The following PPP3CA variants were observed in gnomAD, a reference collection of about 807,000 sequenced individuals.
The protein encoded by PPP3CA is CAM-PRP catalytic subunit.
In PPP3CA, 14 loss-of-function variants were observed where a neutral mutation model predicts 66.5. The observed-to-expected ratio is 0.21, with a 90% CI of 0.14 to 0.33. PPP3CA has a LOEUF of 0.33. Ranked by LOEUF, PPP3CA falls within the 10% of genes least tolerant of loss-of-function variation. PPP3CA has a pLI of 1.00. For missense variants in PPP3CA, 317 were observed against 639.5 expected, an observed-to-expected ratio of 0.50 and a Z score of 5.44; for synonymous variants, 232 against 226.2, an observed-to-expected ratio of 1.03 and a Z score of -0.23.
At chr4:101,140,342 C>T (rs568812887) in intron 2 of PPP3CA, among the ~76,000 whole-genome samples, 57 of 152,232 alleles carry the variant, frequency 3.7e-4, no homozygotes, top group African/African-American at 1.3e-3. Flanking sequence ...ATAATATTAT[C>T]ATTTTCAAGA....
Position 101,346,997 on chromosome 4 carries a change from A to G in PPP3CA, c.-201T>C. On this transcript the variant is annotated 5_prime_UTR_variant, in exon 1 of 14. Transcript: ENST00000394854. ...TCCCTCCTCCGCCGCCGCCGCCTTCACTCCTCCTCCGCCGCTGCCGCCAGC... is the reference window on the plus strand; with the variant it reads ...TCCCTCCTCCGCCGCCGCCGCCTTCGCTCCTCCTCCGCCGCTGCCGCCAGC... The G allele has an allele frequency of 1.7e-6, 1 of 598,688 alleles. No homozygotes were observed. Among genetic ancestry groups the G allele is most frequent in the South Asian group, 2.0e-5 (1 of 50,242 alleles). The allele number at this position is 598,688 out of a possible 1,614,324, so 37.1% of individuals were successfully genotyped here.
intron 8 of PPP3CA, among the ~76,000 whole-genome samples, chr4:101,078,938 T>C (rs912945687): frequency 6.6e-6 from 1 of 152,216 alleles, no homozygotes; most frequent in Non-Finnish European, 1.5e-5. Flanking sequence ...ACTTCTTTTC[T>C]AGGAACTGCC....
chr4:101,158,728 A>G (rs1273674872), intron 2 of PPP3CA, among the ~76,000 whole-genome samples: 1 of 152,190 alleles, frequency 6.6e-6, no homozygotes, highest in Non-Finnish European at 1.5e-5. Context: ...CTGGTTATTC[A>G]ATACCCAAAT....
At chr4:101,124,723 A>AAAG (rs1722165157) in intron 2 of PPP3CA, among the ~76,000 whole-genome samples, 1 of 48,178 alleles carries the variant, frequency 2.1e-5, no homozygotes, top group Non-Finnish European at 4.4e-5. Flanking sequence ...GAAAGAAAGA[A>AAAG]AGAGAAAGAA....
intron 1 of PPP3CA, among the ~76,000 whole-genome samples, chr4:101,309,027 T>C (rs1200227915): frequency 6.6e-6 from 1 of 152,094 alleles, no homozygotes; most frequent in East Asian, 1.9e-4. Flanking sequence ...CTTGCGAGGC[T>C]GAGGCAGAAG....
chr4:101,061,774 C>T (rs1728472640), intron 9 of PPP3CA, among the ~76,000 whole-genome samples: 1 of 151,950 alleles, frequency 6.6e-6, no homozygotes, highest in Non-Finnish European at 1.5e-5. Context: ...TAATAGATTA[C>T]AATAGGATTA....
chr4:101,290,879 G>C (rs188013446), intron 1 of PPP3CA, among the ~76,000 whole-genome samples: 1 of 152,260 alleles, frequency 6.6e-6, no homozygotes, highest in Non-Finnish European at 1.5e-5. Context: ...ACAGTGATTG[G>C]TTTTGAGGCA....
At chr4:101,091,272 T>C (rs1022008511) in intron 6 of PPP3CA, among the ~76,000 whole-genome samples, 8 of 152,160 alleles carry the variant, frequency 5.3e-5, no homozygotes, top group Non-Finnish European at 5.9e-5. Context: ...AACACATAAC[T>C]TTGACGTACT....
chr4:101,302,920 T>C (rs1057060874), intron 1 of PPP3CA, among the ~76,000 whole-genome samples: 5 of 152,178 alleles, frequency 3.3e-5, no homozygotes, highest in Non-Finnish European at 7.4e-5. Context: ...AGGAATCAAG[T>C]TGAAAACTTT....
chr4:101,347,414 G>A lies in PPP3CA; in HGVS notation c.-618C>T, dbSNP rs1205651622. On this transcript the variant is annotated 5_prime_UTR_variant, in exon 1 of 14. Coordinates refer to ENST00000394854, the MANE Select transcript of PPP3CA (RefSeq NM_000944.5). ...CGCCGCCGCTGGTGCCGCGGCCGCC[G>A]GAGACGTCCCGCCGCCGCGATCGCC... The A allele has an allele frequency of 1.8e-5, 3 of 166,056 alleles. No homozygotes were observed. The highest frequency in any genetic ancestry group is 3.8e-5 in the Non-Finnish European group (3 of 78,188). The allele number at this position is 166,056 out of a possible 1,614,324, so 10.3% of individuals were successfully genotyped here. A position where few individuals can be genotyped will look rare whatever the true frequency, so the allele number is the denominator to read the frequency against.
chr4:101,247,143 C>T (rs79504742), intron 1 of PPP3CA, among the ~76,000 whole-genome samples: 1,765 of 151,776 alleles, frequency 0.012, 26 homozygotes, highest in African/African-American at 0.04. Context: ...TCCTTGTCAT[C>T]GTTTTTCTTT....
chr4:101,035,095 G>A (rs533633829), intron 11 of PPP3CA, among the ~76,000 whole-genome samples: 51 of 152,006 alleles, frequency 3.4e-4, no homozygotes, highest in Non-Finnish European at 5.3e-4. Context: ...GTGAAACCTC[G>A]TCTCTACTAA....
intron 2 of PPP3CA, among the ~76,000 whole-genome samples, chr4:101,188,466 CATT>C (rs1237002590): frequency 6.6e-6 from 1 of 151,848 alleles, no homozygotes; most frequent in Admixed American, 6.6e-5. Context: ...TTTTTTCTGT[CATT>C]GTATAATCAG....
chr4:101,328,951 G>C (rs1729288008), intron 1 of PPP3CA, among the ~76,000 whole-genome samples: 1 of 151,916 alleles, frequency 6.6e-6, no homozygotes, highest in Non-Finnish European at 1.5e-5. Flanking sequence ...CCTACTCCCT[G>C]AGACAAAATA....
chr4:101,187,899 C>T (rs1470616701), intron 2 of PPP3CA, among the ~76,000 whole-genome samples: 2 of 151,988 alleles, frequency 1.3e-5, no homozygotes, highest in Admixed American at 1.3e-4. Flanking sequence ...CATATTACTT[C>T]GAGAAAACGG....
In PPP3CA at chr4:101,025,907, G is replaced by A. The variant is rs756110649; in HGVS notation, c.1524C>T (p.Asn508=). 47 of 1,595,990 alleles carry A rather than the reference G, an allele frequency of 2.9e-5. No individual in the cohort carries two copies. Among genetic ancestry groups the A allele is most frequent in the East Asian group, 2.1e-4 (9 of 43,608 alleles). ...SINKALTSET[N]GTDSNGSNSS... The stretch of plus-strand genomic sequence containing the variant: ...TATTACTGCCATTGCTGTCCGTGCC[G>A]TTAGTCTCTGAGGTGAGAGCCTTGT... The change falls in exon 14 of 14, where the codon AAC becomes AAT. Residue 508 remains asparagine (N), a synonymous_variant. Transcript: ENST00000394854.
chr4:101,109,656 CA>C (rs33932766), intron 2 of PPP3CA, among the ~76,000 whole-genome samples: 51,669 of 103,912 alleles, frequency 0.5, 9,925 homozygotes, highest in East Asian at 0.61. Context: ...ACCACTAAGG[CA>C]AAAAAAAAAA....
chr4:101,162,528 AAAATAAAT>A lies in PPP3CA; in HGVS notation c.259+33380_259+33387del, dbSNP rs70961778. On this transcript the variant is annotated intron_variant, in intron 2 of 13. Coordinates refer to ENST00000394854, the MANE Select transcript of PPP3CA (RefSeq NM_000944.5). ...CTGGGCGACAGAGCAAGACTCCATC[AAAATAAAT>A]AAATAAATAAATAAATAAATAAATA... Among the ~76,000 whole-genome samples the A allele has an allele frequency of 3.7e-3, 528 of 143,986 alleles. 5 individuals are homozygous for A. Among genetic ancestry groups the A allele is most frequent in the Middle Eastern group, 3.5e-3 (1 of 286 alleles). The allele number at this position is 143,986 out of a possible 152,430, so 94.5% of individuals were successfully genotyped here.
At chr4:101,028,316 T>G (rs1379404508) in intron 13 of PPP3CA, among the ~76,000 whole-genome samples, 1 of 152,228 alleles carries the variant, frequency 6.6e-6, no homozygotes, top group African/African-American at 2.4e-5. Context: ...TATTTTGATA[T>G]GCAGTTCTCT....
Sources: allele counts gnomAD v4.1 joint callset (sites outside exome capture counted in the v4.1 genomes callset), GRCh38; gene constraint gnomAD v4.1.1; transcripts MANE v1.5; gene names NCBI Gene and HGNC (gene_info 2026-07-23, HGNC 2026-07-21).